The following MIS18A variants were observed in gnomAD, a reference collection of about 807,000 sequenced individuals.
MIS18A encodes the protein MIS18 kinetochore protein A.
Under a neutral mutation model 25.0 loss-of-function variants are expected in MIS18A, and 14 were observed. The ratio of observed to expected loss-of-function variants is 0.56; its 90% CI spans 0.37 to 0.88. MIS18A has a LOEUF of 0.88. MIS18A is among the 40% of genes least tolerant of loss of function. The pLI is 0.00. For synonymous variants in MIS18A, 134 were observed against 118.6 expected, an observed-to-expected ratio of 1.13 and a Z score of -0.84; for missense variants, 292 against 290.8, an observed-to-expected ratio of 1.00 and a Z score of -0.03.
the MIS18A span, among the ~76,000 whole-genome samples, chr21:32,196,618 C>T: frequency 3.9e-5 from 6 of 152,086 alleles, no homozygotes; most frequent in African/African-American, 9.7e-5. Flanking sequence ...CTGTGCCCAG[C>T]TAATTTTTGT....
chr21:32,183,827 A>G, the MIS18A span, among the ~76,000 whole-genome samples: 1 of 152,220 alleles, frequency 6.6e-6, no homozygotes, highest in Admixed American at 6.5e-5. Context: ...TATGGAAGGA[A>G]GTGGTCACCA....
chr21:32,196,426 C>T, the MIS18A span, among the ~76,000 whole-genome samples: 36 of 150,914 alleles, frequency 2.4e-4, no homozygotes, highest in Non-Finnish European at 3.1e-4. Context: ...GATCTTGGGG[C>T]TTCTCAACTC....
intron 1 of MIS18A, among the ~76,000 whole-genome samples, chr21:32,275,557 G>A (rs1476884061): frequency 2.0e-5 from 3 of 152,172 alleles, no homozygotes; most frequent in African/African-American, 7.2e-5. Context: ...GGACTTCAGA[G>A]GCAGCAGCAA....
Position 32,278,471 on chromosome 21 carries a change from G to A in MIS18A, c.334+210C>T, listed in dbSNP as rs1231481839. 4 of 560,190 alleles carry A rather than the reference G, an allele frequency of 7.1e-6. No individual in the cohort carries two copies. The African/African-American group carries it at 7.9e-5, about 11-fold the overall frequency. 34.7% of individuals were successfully genotyped at this position (560,190 alleles called of 1,614,324 possible). On this transcript the variant is annotated intron_variant, in intron 1 of 4. Transcript: ENST00000290130. ...CAACCACTGCTCTTCTGGGATCGGG[G>A]ACCCCAGAAAAGAACCCACCGCCCG...
the MIS18A span, among the ~76,000 whole-genome samples, chr21:32,187,875 C>A: frequency 2.0e-5 from 3 of 152,158 alleles, no homozygotes; most frequent in African/African-American, 7.2e-5. Flanking sequence ...ATTCCCAACC[C>A]CCAGTGTGAT....
the MIS18A span, among the ~76,000 whole-genome samples, chr21:32,181,445 C>G: frequency 6.6e-6 from 1 of 152,136 alleles, no homozygotes; most frequent in Non-Finnish European, 1.5e-5. Context: ...GGAACCCTCA[C>G]TAATACATGG....
the MIS18A span, among the ~76,000 whole-genome samples, chr21:32,219,933 C>G: frequency 6.6e-6 from 1 of 152,198 alleles, no homozygotes; most frequent in Non-Finnish European, 1.5e-5. Context: ...TAGATTCTTC[C>G]TCTCTGGGCA....
chr21:32,247,894 C>T, the MIS18A span, among the ~76,000 whole-genome samples: 5 of 152,346 alleles, frequency 3.3e-5, no homozygotes, highest in South Asian at 1.0e-3. Flanking sequence ...TATAGGCACC[C>T]AGTCCCCATC....
At chr21:32,264,061 G>C (rs2031553329), downstream of MIS18A, among the ~76,000 whole-genome samples, 1 of 152,050 alleles carries the variant, frequency 6.6e-6, no homozygotes, top group African/African-American at 2.4e-5. Context: ...ATTTCATACT[G>C]TATAATCACA....
chr21:32,213,782 A>T, the MIS18A span, among the ~76,000 whole-genome samples: 1 of 152,272 alleles, frequency 6.6e-6, no homozygotes, highest in African/African-American at 2.4e-5. Flanking sequence ...TGGAATCTCT[A>T]TGGGACAAGA....
At chr21:32,265,092 C>A (rs1371602539), downstream of MIS18A, among the ~76,000 whole-genome samples, 1 of 152,216 alleles carries the variant, frequency 6.6e-6, no homozygotes, top group African/African-American at 2.4e-5. Flanking sequence ...CTGGGGAGAT[C>A]TGTCTGAAGC....
the MIS18A span, among the ~76,000 whole-genome samples, chr21:32,162,130 G>A: frequency 6.6e-6 from 1 of 152,128 alleles, no homozygotes; most frequent in Non-Finnish European, 1.5e-5. Flanking sequence ...AAAGTGGCCT[G>A]GGTTTTGAAC....
chr21:32,260,416 G>C, the MIS18A span: 2 of 152,346 alleles, frequency 1.3e-5, no homozygotes, highest in African/African-American at 2.4e-5. Context: ...AGAGTACACA[G>C]GGCATATCCA....
At chr21:32,221,546 T>C in the MIS18A span, among the ~76,000 whole-genome samples, 3 of 151,604 alleles carry the variant, frequency 2.0e-5, no homozygotes, top group Admixed American at 6.6e-5. Flanking sequence ...GTAAAGACCA[T>C]CAACACTATG....
chr21:32,254,696 T>G, the MIS18A span, among the ~76,000 whole-genome samples: 1 of 152,204 alleles, frequency 6.6e-6, no homozygotes, highest in Non-Finnish European at 1.5e-5. Context: ...AGTAACATGC[T>G]TAGGGTTCTA....
intron 3 of MIS18A, among the ~76,000 whole-genome samples, 194 bp downstream of exon 3, chr21:32,270,213 A>G (rs2031686653): frequency 6.6e-6 from 1 of 151,568 alleles, no homozygotes; most frequent in South Asian, 2.1e-4. Flanking sequence ...TTCTCCTACA[A>G]TTTAGAGTGT....
At chr21:32,205,584 T>A in the MIS18A span, among the ~76,000 whole-genome samples, 1 of 151,890 alleles carries the variant, frequency 6.6e-6, no homozygotes, top group African/African-American at 2.4e-5. Context: ...GTTTTGGGGG[T>A]GGAGAGGGTC....
intron 2 of MIS18A, among the ~76,000 whole-genome samples, chr21:32,274,090 T>C (rs1026143870): frequency 2.0e-5 from 3 of 151,910 alleles, no homozygotes; most frequent in Admixed American, 2.0e-4. Flanking sequence ...GCTGTGTGTG[T>C]GACAGCAGCA....
At chr21:32,196,016 T>C in the MIS18A span, among the ~76,000 whole-genome samples, 11 of 151,228 alleles carry the variant, frequency 7.3e-5, no homozygotes, top group African/African-American at 2.7e-4. Flanking sequence ...TGAGACTCCA[T>C]CTTAAAAAAA....
Sources: allele counts gnomAD v4.1 joint callset (sites outside exome capture counted in the v4.1 genomes callset), GRCh38; gene constraint gnomAD v4.1.1; transcripts MANE v1.5; gene names NCBI Gene and HGNC (gene_info 2026-07-23, HGNC 2026-07-21).